The following SIPA1L1 variants were observed in gnomAD, a reference collection of about 807,000 sequenced individuals.
The protein encoded by SIPA1L1 is signal-induced proliferation-associated 1-like protein 1.
SIPA1L1 carries 26 observed loss-of-function variants against 162.7 expected under a neutral mutation model. The observed-to-expected ratio is 0.16, with a 90% CI of 0.12 to 0.22. The LOEUF (loss-of-function observed/expected upper bound fraction) is 0.22. Ranked by LOEUF, SIPA1L1 falls within the 10% of genes least tolerant of loss-of-function variation. The pLI is 1.00. For missense variants in SIPA1L1, 1,874 were observed against 2,241.0 expected, an observed-to-expected ratio of 0.84 and a Z score of 3.31; for synonymous variants, 829 against 837.4, an observed-to-expected ratio of 0.99 and a Z score of 0.17.
intron 2 of SIPA1L1, among the ~76,000 whole-genome samples, chr14:71,390,294 C>T (rs932464497): frequency 6.6e-6 from 1 of 152,134 alleles, no homozygotes; most frequent in Admixed American, 6.5e-5. Flanking sequence ...ATACAAATCA[C>T]CAGTAATCCC....
intron 2 of SIPA1L1, among the ~76,000 whole-genome samples, chr14:71,500,073 T>C (rs1410454393): frequency 6.6e-6 from 1 of 152,192 alleles, no homozygotes; most frequent in East Asian, 1.9e-4. Flanking sequence ...CATTCCTTTT[T>C]TTGACATTTG....
intron 7 of SIPA1L1, among the ~76,000 whole-genome samples, chr14:71,634,527 G>T (rs1011070259): frequency 8.6e-5 from 13 of 151,632 alleles, no homozygotes; most frequent in African/African-American, 2.7e-4. Flanking sequence ...TGGAAGAAAA[G>T]AACTGTCAAC....
intron 2 of SIPA1L1, chr14:71,416,158 TAATA>T (rs745438553): frequency 4.6e-5 from 7 of 152,202 alleles, no homozygotes; most frequent in Admixed American, 2.0e-4. Context: ...TTTTTTAGTA[TAATA>T]AATCTATAGT....
At chr14:71,677,753 T>C (rs1476499938) in intron 12 of SIPA1L1, among the ~76,000 whole-genome samples, 1 of 152,226 alleles carries the variant, frequency 6.6e-6, no homozygotes, top group African/African-American at 2.4e-5. Flanking sequence ...TTTCTAGTTT[T>C]TGTCAAGTTT....
chr14:71,565,379 A>T (rs1209474422), intron 4 of SIPA1L1, among the ~76,000 whole-genome samples: 3 of 152,182 alleles, frequency 2.0e-5, no homozygotes, highest in Non-Finnish European at 4.4e-5. Flanking sequence ...AATTGCAGAG[A>T]TACTGAATTT....
intron 2 of SIPA1L1, among the ~76,000 whole-genome samples, chr14:71,395,857 T>C (rs1389182996): frequency 1.3e-5 from 2 of 152,228 alleles, no homozygotes; most frequent in Non-Finnish European, 2.9e-5. Flanking sequence ...TATGTTATTT[T>C]AGTTAAGGCT....
chr14:71,470,644 C>T (rs989062398), intron 2 of SIPA1L1, among the ~76,000 whole-genome samples: 1 of 151,898 alleles, frequency 6.6e-6, no homozygotes, highest in Admixed American at 6.5e-5. Flanking sequence ...TTCTCATCAT[C>T]TGGGGTAAAT....
intron 2 of SIPA1L1, among the ~76,000 whole-genome samples, chr14:71,409,895 CA>C (rs2042287713): frequency 6.6e-6 from 1 of 152,164 alleles, no homozygotes; most frequent in Non-Finnish European, 1.5e-5. Flanking sequence ...GTTAGCTTAT[CA>C]AAGTCATTTA....
At chr14:71,502,258 AT>A (rs2050314966) in intron 2 of SIPA1L1, among the ~76,000 whole-genome samples, 5 of 99,940 alleles carry the variant, frequency 5.0e-5, no homozygotes, top group African/African-American at 1.5e-4. Flanking sequence ...AAAAAAAAAT[AT>A]ATATATATAT....
intron 2 of SIPA1L1, among the ~76,000 whole-genome samples, chr14:71,437,138 T>G (rs1044944622): frequency 6.6e-6 from 1 of 152,200 alleles, no homozygotes; most frequent in Non-Finnish European, 1.5e-5. Flanking sequence ...AATTTAAAAT[T>G]TTTAAAGCAT....
intron 2 of SIPA1L1, among the ~76,000 whole-genome samples, chr14:71,441,044 C>T (rs545950669): frequency 3.3e-4 from 50 of 152,208 alleles, no homozygotes; most frequent in African/African-American, 1.2e-3. Context: ...TTCAGACTTA[C>T]TATTTGGGAA....
At chr14:71,327,283 C>T (rs2033945672) in intron 2 of SIPA1L1, among the ~76,000 whole-genome samples, 1 of 152,000 alleles carries the variant, frequency 6.6e-6, no homozygotes, top group Non-Finnish European at 1.5e-5. Flanking sequence ...GGGGTTTCAC[C>T]ATATTGGCCA....
chr14:71,473,496 AT>A (rs1220905319), intron 2 of SIPA1L1, among the ~76,000 whole-genome samples: 35 of 152,266 alleles, frequency 2.3e-4, no homozygotes, highest in African/African-American at 8.2e-4. Flanking sequence ...AGATTTTCTG[AT>A]TCAAATTTAT....
chr14:71,646,311 G>A (rs1442250933), intron 7 of SIPA1L1, among the ~76,000 whole-genome samples: 7 of 151,966 alleles, frequency 4.6e-5, no homozygotes, highest in Non-Finnish European at 7.4e-5. Context: ...CGAGTAGCTG[G>A]GACTACAGGT....
At chr14:71,467,119 T>C (rs1453956535) in intron 2 of SIPA1L1, 4 of 152,210 alleles carry the variant, frequency 2.6e-5, no homozygotes, top group Non-Finnish European at 5.9e-5. Flanking sequence ...GCCATTTCAG[T>C]GTCCAGATTT....
intron 2 of SIPA1L1, among the ~76,000 whole-genome samples, chr14:71,424,457 C>A (rs931063448): frequency 6.6e-6 from 1 of 151,904 alleles, no homozygotes; most frequent in Admixed American, 6.6e-5. Flanking sequence ...TCTTTCTATT[C>A]CTAGTTTATT....
At chr14:71,506,243 A>G (rs2050657081) in intron 2 of SIPA1L1, among the ~76,000 whole-genome samples, 1 of 152,202 alleles carries the variant, frequency 6.6e-6, no homozygotes, top group African/African-American at 2.4e-5. Context: ...ACATTGTAGT[A>G]GAATGTATAT....
intron 2 of SIPA1L1, among the ~76,000 whole-genome samples, chr14:71,507,792 C>G (rs2050795322): frequency 6.6e-6 from 1 of 151,878 alleles, no homozygotes; most frequent in Non-Finnish European, 1.5e-5. Context: ...GTCAAGCTCC[C>G]CTAAAGCTAT....
At chr14:71,346,445 C>A (rs1214024081) in intron 2 of SIPA1L1, among the ~76,000 whole-genome samples, 3 of 152,146 alleles carry the variant, frequency 2.0e-5, no homozygotes, top group Non-Finnish European at 4.4e-5. Flanking sequence ...TTGTGCAAGA[C>A]CCTCTTGCAC....
Sources: gnomAD v4.1 joint callset for allele counts (sites outside exome capture counted in the v4.1 genomes callset) on GRCh38, gnomAD v4.1.1 for gene constraint, MANE v1.5 for transcripts, NCBI Gene and HGNC (gene_info 2026-07-23, HGNC 2026-07-21) for gene names.